Variants in SPATA16 observed in about 807,000 individuals in gnomAD.
SPATA16 encodes the protein spermatogenesis associated 16.
In SPATA16, 36 loss-of-function variants were observed where a neutral mutation model predicts 63.3. The observed-to-expected ratio is 0.57, with a 90% CI of 0.44 to 0.75. The LOEUF is 0.75. Among genes scored for constraint, SPATA16 ranks in the 30% least tolerant of loss-of-function variants. The pLI, the probability that SPATA16 is intolerant of heterozygous loss-of-function variation, is 0.00. For missense variants in SPATA16, 646 were observed against 679.3 expected (o/e 0.95, Z 0.54); for synonymous variants, 203 against 216.7 (o/e 0.94, Z 0.56).
At chr3:172,929,206 T>G (rs891015986) in intron 6 of SPATA16, among the ~76,000 whole-genome samples, 6 of 152,196 alleles carry the variant, frequency 3.9e-5, no homozygotes, top group African/African-American at 1.4e-4. Flanking sequence ...GAGATGAAAT[T>G]TATATGACTA....
intron 3 of SPATA16, among the ~76,000 whole-genome samples, chr3:173,026,601 A>T (rs1479108806): frequency 6.6e-6 from 1 of 151,942 alleles, no homozygotes; most frequent in African/African-American, 2.4e-5. Context: ...GAATTTGTTT[A>T]TGGTGTGAGG....
intron 3 of SPATA16, among the ~76,000 whole-genome samples, chr3:173,033,910 G>A (rs569150055): frequency 4.5e-4 from 68 of 152,208 alleles, no homozygotes; most frequent in African/African-American, 1.6e-3. Context: ...TCACTATGTT[G>A]GCCAGGCTGA....
chr3:172,937,619 A>G (rs976872842), intron 6 of SPATA16, among the ~76,000 whole-genome samples: 1 of 152,194 alleles, frequency 6.6e-6, no homozygotes, highest in African/African-American at 2.4e-5. Flanking sequence ...ATCTCTGATT[A>G]CTAAGAAGGT....
chr3:173,058,670 G>A (rs973487668), intron 2 of SPATA16, among the ~76,000 whole-genome samples: 3 of 152,014 alleles, frequency 2.0e-5, no homozygotes, highest in East Asian at 1.9e-4. Context: ...TGTGTTTATC[G>A]GCCATGGGTA....
intron 5 of SPATA16, among the ~76,000 whole-genome samples, chr3:172,971,895 T>G (rs1340601566): frequency 6.6e-6 from 1 of 152,080 alleles, no homozygotes; most frequent in Non-Finnish European, 1.5e-5. Flanking sequence ...GTGACAATCA[T>G]GTAAAGAGAA....
intron 1 of SPATA16, among the ~76,000 whole-genome samples, chr3:173,139,568 A>C (rs1269880382): frequency 6.6e-6 from 1 of 152,226 alleles, no homozygotes; most frequent in Non-Finnish European, 1.5e-5. Flanking sequence ...TATGGCCTAC[A>C]ATTGTTGGGG....
chr3:173,126,504 A>T (rs536165198), intron 1 of SPATA16, among the ~76,000 whole-genome samples: 1 of 152,314 alleles, frequency 6.6e-6, no homozygotes, highest in Non-Finnish European at 1.5e-5. Context: ...TCTTCCTGTA[A>T]AAGTGATCCA....
intron 1 of SPATA16, among the ~76,000 whole-genome samples, chr3:173,123,749 G>A (rs367917960): frequency 2.2e-4 from 33 of 151,572 alleles, no homozygotes; most frequent in South Asian, 1.7e-3. Context: ...GATTACAGGC[G>A]CCAACCACCA....
chr3:173,059,362 T>C (rs2108299608), intron 2 of SPATA16, among the ~76,000 whole-genome samples: 1 of 151,780 alleles, frequency 6.6e-6, no homozygotes. Context: ...TATTTTTTTT[T>C]CTCTTCATCT....
At chr3:172,984,335 A>G (rs1434009945) in intron 4 of SPATA16, among the ~76,000 whole-genome samples, 3 of 152,170 alleles carry the variant, frequency 2.0e-5, no homozygotes, top group Non-Finnish European at 4.4e-5. Flanking sequence ...GTTGTTGCTC[A>G]GTAAATTTTT....
chr3:173,058,669 C>T (rs764712044), intron 2 of SPATA16, among the ~76,000 whole-genome samples: 3 of 152,168 alleles, frequency 2.0e-5, no homozygotes, highest in East Asian at 1.9e-4. Flanking sequence ...CTGTGTTTAT[C>T]GGCCATGGGT....
intron 5 of SPATA16, among the ~76,000 whole-genome samples, chr3:172,976,341 C>T (rs971390028): frequency 6.6e-6 from 1 of 151,944 alleles, no homozygotes; most frequent in Non-Finnish European, 1.5e-5. Flanking sequence ...TTATTGACAG[C>T]TTGTTGGGGG....
rs1734443888 is a variant in SPATA16, at chr3:172,985,896, A to G, written c.849-8844T>C. Reference sequence around the variant, plus strand: ...TTTCAGGCAGATGAATTTAAACTTTATTCTATAGATGCAAGGGACAATTGA... The same window carrying G: ...TTTCAGGCAGATGAATTTAAACTTTGTTCTATAGATGCAAGGGACAATTGA... On this transcript the variant is annotated intron_variant, in intron 4 of 10. Coordinates refer to ENST00000351008, the MANE Select transcript of SPATA16 (RefSeq NM_031955.6). Among the ~76,000 whole-genome samples, 3 of 152,190 alleles carry G rather than the reference A, an allele frequency of 2.0e-5. No homozygotes were observed. The South Asian group carries it at 6.2e-4, about 31-fold the overall frequency.
At chr3:173,019,351 C>A (rs500542) in intron 4 of SPATA16, 135 bp downstream of exon 4, 3 of 824,004 alleles carry the variant, frequency 3.6e-6, no homozygotes, top group South Asian at 2.7e-5. Context: ...GCTGGTTTGA[C>A]GTTGATAGAC....
intron 3 of SPATA16, among the ~76,000 whole-genome samples, chr3:173,023,395 G>A (rs1253091274): frequency 6.6e-6 from 1 of 151,976 alleles, no homozygotes; most frequent in African/African-American, 2.4e-5. Context: ...GACAGAAAAT[G>A]CTCTAATTAT....
At chr3:172,965,709 A>G (rs1733902991) in intron 5 of SPATA16, among the ~76,000 whole-genome samples, 1 of 151,318 alleles carries the variant, frequency 6.6e-6, no homozygotes, top group East Asian at 1.9e-4. Flanking sequence ...TCGGCTCACT[A>G]CAACCCCCAC....
intron 2 of SPATA16, among the ~76,000 whole-genome samples, chr3:173,069,062 A>T (rs1358475856): frequency 6.7e-6 from 1 of 148,550 alleles, no homozygotes; most frequent in Non-Finnish European, 1.5e-5. Context: ...GTGAGCTGAG[A>T]TGGTGCCACT....
At position 172,972,897 on chromosome 3, in the gene SPATA16, T is replaced by C. The variant is rs142072566; in HGVS notation, c.933+4071A>G. 7.2e-5 allele frequency among the ~76,000 whole-genome samples: 11 copies of C among 152,272 alleles called. No individual in the cohort carries two copies. In the East Asian group the frequency reaches 1.9e-3, roughly 27 times the overall value. On this transcript the variant is annotated intron_variant, in intron 5 of 10. Coordinates refer to ENST00000351008, the MANE Select transcript of SPATA16 (RefSeq NM_031955.6). ...GCCGACATAGATAGCGTTGATGATA[T>C]AAGCCTAACAAAGATGACCTCATTT...
chr3:172,961,040 CT>C lies in SPATA16; in HGVS notation c.934-4217del, dbSNP rs61252233. Among the ~76,000 whole-genome samples the C allele has an allele frequency of 3.2e-3, 241 of 74,432 alleles. 10 individuals are homozygous for C. The highest frequency in any genetic ancestry group is 9.5e-3 in the African/African-American group (208 of 21,802). The allele number at this position is 74,432 out of a possible 152,430, so 48.8% of individuals were successfully genotyped here. A position where few individuals can be genotyped will look rare whatever the true frequency, so the allele number is the denominator to read the frequency against. On this transcript the variant is annotated intron_variant, in intron 5 of 10. Coordinates refer to ENST00000351008, the MANE Select transcript of SPATA16 (RefSeq NM_031955.6). ...TTTTTCTCTCTTTCTCTCTTTCTTTCTTTCTTTCTTCTTTCTTTCTTTCTTC... is the reference window on the plus strand; with the variant it reads ...TTTTTCTCTCTTTCTCTCTTTCTTTCTTCTTTCTTCTTTCTTTCTTTCTTC...
Sources: gnomAD v4.1 joint callset for allele counts (sites outside exome capture counted in the v4.1 genomes callset) on GRCh38, gnomAD v4.1.1 for gene constraint, MANE v1.5 for transcripts, NCBI Gene and HGNC (gene_info 2026-07-23, HGNC 2026-07-21) for gene names.